Variants in PPP1R3F observed in about 807,000 individuals in gnomAD.
The protein encoded by PPP1R3F is protein phosphatase 1, regulatory (inhibitor) subunit 3F.
A neutral mutation model predicts 24.2 loss-of-function variants in PPP1R3F; 29 were observed. That is an observed-to-expected ratio of 1.20 (90% CI 0.89 to 1.63). PPP1R3F has a LOEUF of 1.63. Ranked by LOEUF, PPP1R3F falls within the 40% of genes most tolerant of loss-of-function variation. The probability of loss-of-function intolerance (pLI) is 0.00; values close to 1 mark genes in which losing one functional copy is unlikely to be tolerated. For missense variants in PPP1R3F, 823 were observed against 729.3 expected (o/e 1.13, Z -1.48); for synonymous variants, 363 against 340.1 (o/e 1.07, Z -0.74).
At position 49,270,716 on chromosome X, in the gene PPP1R3F, G is replaced by A. The variant is rs1557119063; in HGVS notation, c.847G>A (p.Val283Ile). Residue 283 changes from valine (V) to isoleucine (I), a missense_variant, in exon 1 of 4, where the codon GTC (valine) becomes ATC (isoleucine). Val to Ile is a conservative substitution (Grantham distance 29, BLOSUM62 3). Coordinates refer to ENST00000055335, the MANE Select transcript of PPP1R3F (RefSeq NM_033215.5). ...CAACAACCACGGCCGCAACTACACAGTCCTGCTCCGGATCGCACCCGCTCC... is the reference window on the plus strand; with the variant it reads ...CAACAACCACGGCCGCAACTACACAATCCTGCTCCGGATCGCACCCGCTCC... ...WANNHGRNYT[V>I]LLRIAPAPTP... 1 of 1,206,277 alleles carries A rather than the reference G, an allele frequency of 8.3e-7. No individual in the cohort carries two copies. The highest frequency in any genetic ancestry group is 1.1e-6 in the Non-Finnish European group (1 of 893,194).
Position 49,282,058 on chromosome X carries a change from C to T in PPP1R3F, c.1138C>T (p.Leu380Phe). 8.3e-7 allele frequency: 1 copy of T among 1,201,494 alleles called. No homozygotes were observed. Among genetic ancestry groups the T allele is most frequent in the Non-Finnish European group, 1.1e-6 (1 of 886,389 alleles). The change falls in exon 3 of 4, where the codon CTT becomes TTT. Residue 380 changes from leucine to phenylalanine, a missense_variant. Coordinates refer to ENST00000055335, the MANE Select transcript of PPP1R3F (RefSeq NM_033215.5). ...TPLRPWPQMT[L>F]QVSDVPMTGN... is the part of the protein sequence containing the mutation. ...TCTCCGTCCATGGCCCCAGATGACACTTCAGGTAAGTGGGTCCTTGCAGCC... is the reference window on the plus strand; with the variant it reads ...TCTCCGTCCATGGCCCCAGATGACATTTCAGGTAAGTGGGTCCTTGCAGCC...
In PPP1R3F at chrX:49,270,693, A is replaced by G. The variant is rs1337592483; in HGVS notation, c.824A>G (p.Asn275Ser). 8.3e-6 allele frequency: 10 copies of G among 1,207,814 alleles called. No homozygotes were observed. The South Asian group carries it at 1.1e-4, about 13-fold the overall frequency. Residue 275 changes from asparagine to serine, a missense_variant, in exon 1 of 4, where the codon AAC becomes AGC. Physicochemically the swap from Asn to Ser is conservative, Grantham distance 46. Transcript: ENST00000055335. Reference sequence around the variant, plus strand: ...ACCCCTGAGGGCACTTTCTGGGCCAACAACCACGGCCGCAACTACACAGTC... The same window carrying G: ...ACCCCTGAGGGCACTTTCTGGGCCAGCAACCACGGCCGCAACTACACAGTC... Reference protein sequence around the residue: ...YETPEGTFWANNHGRNYTVLL... With the variant: ...YETPEGTFWASNHGRNYTVLL...
rs1209481311 is a variant in PPP1R3F at position 49,270,492 on chromosome X, C to G, written c.623C>G (p.Ala208Gly). Residue 208 changes from alanine to glycine, a missense_variant, in exon 1 of 4, where the codon GCG (alanine) becomes GGG (glycine). Ala to Gly is a moderately conservative substitution (Grantham distance 60). Transcript: ENST00000055335. ...YVPRSPPWAGAGGTGAGDPIL... is the reference protein window; with the variant it reads ...YVPRSPPWAGGGGTGAGDPIL... Reference sequence around the variant, plus strand: ...CCGCGCAGCCCGCCGTGGGCAGGAGCGGGAGGAACAGGAGCAGGAGATCCC... The same window carrying G: ...CCGCGCAGCCCGCCGTGGGCAGGAGGGGGAGGAACAGGAGCAGGAGATCCC... The G allele has an allele frequency of 8.3e-6, 10 of 1,204,462 alleles. No individual in the cohort carries two copies. Among genetic ancestry groups the G allele is most frequent in the Non-Finnish European group, 1.0e-5 (9 of 894,687 alleles).
chrX:49,285,871 A>T lies in PPP1R3F; in HGVS notation c.1181A>T (p.Glu394Val). 8.6e-7 allele frequency: 1 copy of T among 1,165,240 alleles called. No individual in the cohort carries two copies. The highest frequency in any genetic ancestry group is 1.1e-6 in the Non-Finnish European group (1 of 870,059). ...CCGATGACTGGCAACCCCGCAGAAG[A>T]AGGTGATGTCCCCAGAAGCAGTCCA... ...DVPMTGNPAE[E>V]GDVPRSSPPV... Residue 394 changes from glutamate (E) to valine (V), a missense_variant, in exon 4 of 4, where the codon GAA (glutamate) becomes GTA (valine). Coordinates refer to ENST00000055335, the MANE Select transcript of PPP1R3F (RefSeq NM_033215.5).
chrX:49,301,439 A>G, exon 4 of PPP1R3F: 1 of 608,554 alleles, frequency 1.6e-6, no homozygotes, highest in Non-Finnish European at 2.5e-6. Flanking sequence ...AAATTCTCCC[A>G]ATAAAGCTTT....
Position 49,270,741 on chromosome X carries a change from C to T in PPP1R3F, c.872C>T (p.Pro291Leu). 8.3e-7 allele frequency: 1 copy of T among 1,204,824 alleles called. No individual in the cohort carries two copies. Among genetic ancestry groups the T allele is most frequent in the Non-Finnish European group, 1.1e-6 (1 of 892,201 alleles). ...YTVLLRIAPA[P>L]TPTDAEGLPQ... The stretch of plus-strand genomic sequence containing the variant: ...GTCCTGCTCCGGATCGCACCCGCTC[C>T]CACACCCACTGATGCCGAAGGGCTG... The change falls in exon 1 of 4, where the codon CCC (proline) becomes CTC (leucine). Residue 291 changes from proline to leucine, a missense_variant. By Grantham distance (98) the Pro-to-Leu change is moderately conservative. Transcript: ENST00000055335.
At chrX:49,291,316 C>CTGTCTG (rs1557122355), downstream of PPP1R3F, among the ~76,000 whole-genome samples, 7 of 88,383 alleles carry the variant, frequency 7.9e-5, no homozygotes, top group South Asian at 1.4e-3. Context: ...CTCTCTCTCT[C>CTGTCTG]TCTCTCTCTC....
intron 1 of PPP1R3F, among the ~76,000 whole-genome samples, chrX:49,278,868 C>A (rs1443163519): frequency 4.5e-5 from 5 of 112,347 alleles, no homozygotes; most frequent in Non-Finnish European, 9.4e-5. Context: ...CTCCCTCTAT[C>A]TACTTCTAGA....
chrX:49,285,631 A>G (rs1474948743), intron 3 of PPP1R3F, among the ~76,000 whole-genome samples: 2 of 112,119 alleles, frequency 1.8e-5, no homozygotes, highest in East Asian at 5.6e-4. Context: ...GTTTTACTGC[A>G]TCCAATTGTG....
chrX:49,291,316 C>CTCTCTCTCTCTGTCTG (rs1557122351), downstream of PPP1R3F, among the ~76,000 whole-genome samples: 4,083 of 88,296 alleles, frequency 0.046, 211 homozygotes, highest in Middle Eastern at 0.076. Context: ...CTCTCTCTCT[C>CTCTCTCTCTCTGTCTG]TCTCTCTCTC....
chrX:49,292,742 G>A (rs2066312518), downstream of PPP1R3F, among the ~76,000 whole-genome samples: 1 of 112,400 alleles, frequency 8.9e-6, no homozygotes, highest in South Asian at 3.6e-4. Context: ...GGTGAGGCAC[G>A]CCCCACCTAG....
At chrX:49,282,377 A>G (rs1557120818) in intron 3 of PPP1R3F, among the ~76,000 whole-genome samples, 1 of 110,438 alleles carries the variant, frequency 9.1e-6, no homozygotes. Flanking sequence ...AATAGAATAT[A>G]TGGTACTTTA....
rs2066288614 is a variant in PPP1R3F at position 49,286,788 on chromosome X, C to A, written c.2098C>A (p.Gln700Lys). The change falls in exon 4 of 4, where the codon CAG becomes AAG. Residue 700 changes from glutamine to lysine, a missense_variant. Gln to Lys is a moderately conservative substitution (Grantham distance 53, BLOSUM62 1). Coordinates refer to ENST00000055335, the MANE Select transcript of PPP1R3F (RefSeq NM_033215.5). ...GKEPASPVLL[Q>K]GQNPTLLSPL... ...GGAGCCAGCCTCTCCCGTCCTTCTG[C>A]AGGGGCAAAATCCCACCCTCCTCAG... 1 of 1,204,179 alleles carries A rather than the reference C, an allele frequency of 8.3e-7. No individual in the cohort carries two copies. Among genetic ancestry groups the A allele is most frequent in the Non-Finnish European group, 1.1e-6 (1 of 891,188 alleles).
intron 1 of PPP1R3F, chrX:49,275,507 C>T (rs2066207045): frequency 1.8e-5 from 2 of 112,075 alleles, no homozygotes; most frequent in Non-Finnish European, 3.8e-5. Flanking sequence ...TGCTTTTCAG[C>T]ATCCTTAAGT....
chrX:49,298,480 A>G (rs1224079353), intron 3 of PPP1R3F, among the ~76,000 whole-genome samples: 2 of 111,199 alleles, frequency 1.8e-5, no homozygotes, highest in African/African-American at 6.6e-5. Context: ...GAATCTGATG[A>G]TTATGTGTCT....
chrX:49,299,685 C>A (rs1171920611), intron 3 of PPP1R3F, among the ~76,000 whole-genome samples: 2 of 112,024 alleles, frequency 1.8e-5, no homozygotes, highest in Non-Finnish European at 3.8e-5. Context: ...GGGGCTGCTG[C>A]CTTTCTTTCA....
Position 49,287,166 on chromosome X carries a change from T to C in PPP1R3F, c.*76T>C. ...CAGTGAGGGGACCTGGGTCCTTTGCTTCTGAGAATGCTCAACTGAAAGAGA... is the reference window on the plus strand; with the variant it reads ...CAGTGAGGGGACCTGGGTCCTTTGCCTCTGAGAATGCTCAACTGAAAGAGA... On this transcript the variant is annotated 3_prime_UTR_variant, in exon 4 of 4. Transcript: ENST00000055335. The C allele has an allele frequency of 9.7e-7, 1 of 1,033,432 alleles. No individual in the cohort carries two copies. The highest frequency in any genetic ancestry group is 1.3e-6 in the Non-Finnish European group (1 of 760,110). The allele number at this position is 1,033,432 out of a possible 1,213,427, so 85.2% of individuals were successfully genotyped here.
At chrX:49,296,415 T>G (rs1163018539) in intron 3 of PPP1R3F, among the ~76,000 whole-genome samples, 1 of 111,798 alleles carries the variant, frequency 8.9e-6, no homozygotes. Context: ...TCTTTTCTTC[T>G]TTATTAATCT....
intron 3 of PPP1R3F, among the ~76,000 whole-genome samples, chrX:49,296,695 C>G (rs782561513): frequency 1.5e-4 from 17 of 111,993 alleles, no homozygotes; most frequent in African/African-American, 5.2e-4. Context: ...TTAGCTGTGT[C>G]CCAGAGATTC....
Sources: gnomAD v4.1 joint callset for allele counts (sites outside exome capture counted in the v4.1 genomes callset) on GRCh38, gnomAD v4.1.1 for gene constraint, MANE v1.5 for transcripts, NCBI Gene and HGNC (gene_info 2026-07-23, HGNC 2026-07-21) for gene names.